Variants in OSBPL8 observed in about 807,000 individuals in gnomAD.
OSBPL8 encodes the protein oxysterol-binding protein-related protein 8.
A neutral mutation model predicts 125.5 loss-of-function variants in OSBPL8; 59 were observed. That is an observed-to-expected ratio of 0.47 (90% confidence interval 0.38 to 0.58). OSBPL8 has a LOEUF of 0.58. Ranked by LOEUF, OSBPL8 falls within the 20% of genes least tolerant of loss-of-function variation. OSBPL8 has a pLI of 0.00. For synonymous variants in OSBPL8, 330 were observed against 338.9 expected, an observed-to-expected ratio of 0.97 and a Z score of 0.29; for missense variants, 758 against 1,047.8, an observed-to-expected ratio of 0.72 and a Z score of 3.82.
At position 76,399,870 on chromosome 12, in the gene OSBPL8, G is replaced by A. The variant is rs757529660; in HGVS notation, c.468+3C>T. On this transcript the variant is annotated splice_donor_region_variant and intron_variant, in intron 7 of 23. Coordinates refer to ENST00000261183, the MANE Select transcript of OSBPL8 (RefSeq NM_020841.5). ...CTGAATTCATGATTCAAAACACACT[G>A]ACCTTTAACCAATCAGCCATAACAA... 2 of 1,584,906 alleles carry A rather than the reference G, an allele frequency of 1.3e-6. No individual in the cohort carries two copies. Among genetic ancestry groups the A allele is most frequent in the Non-Finnish European group, 1.7e-6 (2 of 1,170,038 alleles).
chr12:76,450,800 C>T (rs754569980), intron 4 of OSBPL8, 51 bp downstream of exon 4: 3 of 1,525,744 alleles, frequency 2.0e-6, no homozygotes, highest in African/African-American at 1.4e-5. Context: ...CTTCTCCCCT[C>T]CAAAAACAAA....
intron 1 of OSBPL8, among the ~76,000 whole-genome samples, chr12:76,544,975 T>C (rs147808570): frequency 3.9e-5 from 6 of 152,282 alleles, no homozygotes; most frequent in East Asian, 1.9e-4. Context: ...TAAAAGGCCA[T>C]TGGTTCCAAA....
chr12:76,535,477 G>A (rs1461265538), intron 1 of OSBPL8, among the ~76,000 whole-genome samples: 1 of 152,058 alleles, frequency 6.6e-6, no homozygotes, highest in African/African-American at 2.4e-5. Flanking sequence ...ATGAGAAGGG[G>A]AGCAACTGGA....
chr12:76,371,638 T>A, intron 18 of OSBPL8, 54 bp from the exon 19 acceptor site: 1 of 1,413,412 alleles, frequency 7.1e-7, no homozygotes, highest in Non-Finnish European at 9.4e-7. Flanking sequence ...AGAAGGCAAT[T>A]ATATAGTATA....
At chr12:76,443,572 G>A (rs1480568724) in intron 4 of OSBPL8, among the ~76,000 whole-genome samples, 3 of 152,042 alleles carry the variant, frequency 2.0e-5, no homozygotes, top group Admixed American at 6.6e-5. Context: ...GCAGTGGCGC[G>A]ATCTTGGCTC....
chr12:76,495,637 G>A (rs994254958), intron 1 of OSBPL8, among the ~76,000 whole-genome samples: 1 of 151,238 alleles, frequency 6.6e-6, no homozygotes, highest in Non-Finnish European at 1.5e-5. Flanking sequence ...AAAGGCAAAC[G>A]ACAATGACAC....
intron 18 of OSBPL8, chr12:76,371,942 G>T: frequency 6.2e-6 from 1 of 160,520 alleles, no homozygotes; most frequent in Non-Finnish European, 1.4e-5. Context: ...AGATGCTGTT[G>T]ACTATCCATG....
chr12:76,483,700 A>G (rs1183267792), intron 2 of OSBPL8, among the ~76,000 whole-genome samples: 1 of 86,754 alleles, frequency 1.2e-5, no homozygotes, highest in Non-Finnish European at 2.1e-5. Flanking sequence ...TTGAGACAGC[A>G]TTTCACTCTT....
chr12:76,375,174 C>T, intron 17 of OSBPL8, 99 bp downstream of exon 17: 8 of 762,798 alleles, frequency 1.0e-5, no homozygotes, highest in Non-Finnish European at 1.7e-5. Context: ...TGTGTTCTTA[C>T]ATTTAGTCCT....
intron 1 of OSBPL8, among the ~76,000 whole-genome samples, chr12:76,488,761 C>G (rs979299514): frequency 2.2e-4 from 34 of 152,236 alleles, no homozygotes; most frequent in African/African-American, 8.2e-4. Context: ...CCATCAGTCA[C>G]AATAATATTG....
intron 1 of OSBPL8, among the ~76,000 whole-genome samples, chr12:76,502,789 T>C (rs1880034131): frequency 6.6e-6 from 1 of 152,120 alleles, no homozygotes. Flanking sequence ...GAAGGGATAG[T>C]GGAAGAAGGT....
At chr12:76,456,216 C>T (rs533943404) in intron 3 of OSBPL8, among the ~76,000 whole-genome samples, 6 of 152,112 alleles carry the variant, frequency 3.9e-5, no homozygotes, top group Non-Finnish European at 8.8e-5. Context: ...TATGTAAATC[C>T]TATATCTCCT....
At chr12:76,377,940 C>A (rs76372490) in intron 16 of OSBPL8, among the ~76,000 whole-genome samples, 2 of 152,022 alleles carry the variant, frequency 1.3e-5, no homozygotes, top group Non-Finnish European at 2.9e-5. Flanking sequence ...GGGTGCCTAG[C>A]ATGTTGTAAT....
chr12:76,446,689 A>G (rs1872755937), intron 4 of OSBPL8, among the ~76,000 whole-genome samples: 1 of 152,070 alleles, frequency 6.6e-6, no homozygotes, highest in Admixed American at 6.5e-5. Flanking sequence ...CAGTAATGAT[A>G]ATAATATTAT....
intron 4 of OSBPL8, among the ~76,000 whole-genome samples, chr12:76,444,839 G>A (rs900472605): frequency 1.3e-5 from 2 of 152,156 alleles, no homozygotes; most frequent in African/African-American, 4.8e-5. Context: ...AGATGTAGGT[G>A]CTACTGCTCT....
At chr12:76,431,784 C>T (rs1870857947) in intron 4 of OSBPL8, among the ~76,000 whole-genome samples, 1 of 152,052 alleles carries the variant, frequency 6.6e-6, no homozygotes, top group South Asian at 2.1e-4. Context: ...AAGAAATAGA[C>T]AGCAATATGA....
intron 5 of OSBPL8, among the ~76,000 whole-genome samples, chr12:76,410,186 A>G (rs890070198): frequency 6.6e-6 from 1 of 152,218 alleles, no homozygotes; most frequent in South Asian, 2.1e-4. Context: ...CTGGCTTTTA[A>G]CTGGTAAAAT....
At position 76,375,348 on chromosome 12, in the gene OSBPL8, T is replaced by G. The variant is rs1293241746; in HGVS notation, c.1752A>C (p.Thr584=). The change falls in exon 17 of 24, where the codon ACA becomes ACC. Residue 584 remains threonine, a synonymous_variant. Coordinates refer to ENST00000261183, the MANE Select transcript of OSBPL8 (RefSeq NM_020841.5). The part of the protein sequence containing the change: ...HCKGILYGTM[T]LELGGTVNIT... ...TATTGACTGTTCCACCAAGCTCCAGTGTCATTGTACCATAAAGAATTCCTA... is the reference window on the plus strand; with the variant it reads ...TATTGACTGTTCCACCAAGCTCCAGGGTCATTGTACCATAAAGAATTCCTA... 6.2e-7 allele frequency: 1 copy of G among 1,611,768 alleles called. No homozygotes were observed. Among genetic ancestry groups the G allele is most frequent in the Admixed American group, 1.7e-5 (1 of 59,934 alleles).
chr12:76,535,113 AAAG>A (rs754433445), intron 1 of OSBPL8, among the ~76,000 whole-genome samples: 261 of 152,254 alleles, frequency 1.7e-3, no homozygotes, highest in Non-Finnish European at 2.6e-3. Context: ...ATAAACCATG[AAAG>A]AAAACAGATA....
Sources: allele counts gnomAD v4.1 joint callset (sites outside exome capture counted in the v4.1 genomes callset), GRCh38; gene constraint gnomAD v4.1.1; transcripts MANE v1.5; gene names NCBI Gene and HGNC (gene_info 2026-07-23, HGNC 2026-07-21).